Variants in TUBA4A observed in about 807,000 individuals in gnomAD.
The protein encoded by TUBA4A is tubulin alpha-4A chain.
A neutral mutation model predicts 34.3 loss-of-function variants in TUBA4A; 23 were observed. The observed-to-expected ratio is 0.67, with a 90% confidence interval of 0.48 to 0.95. The LOEUF (loss-of-function observed/expected upper bound fraction) is 0.95. TUBA4A is among the 40% of genes least tolerant of loss of function. The pLI is 0.00. For synonymous variants in TUBA4A, 216 were observed against 230.5 expected (o/e 0.94, Z 0.57); for missense variants, 279 against 599.0 (o/e 0.47, Z 5.58).
At chr2:219,253,362 G>GGT (rs747098003) in intron 1 of TUBA4A, 17 of 1,534,326 alleles carry the variant, frequency 1.1e-5, no homozygotes, top group Non-Finnish European at 1.4e-5. Context: ...CACGGGGGGG[G>GGT]GGTGGTTCTG....
rs369027314 is a variant in TUBA4A, at chr2:219,250,711, C to T, written c.988G>A (p.Ala330Thr). The T allele has an allele frequency of 6.8e-6, 11 of 1,614,104 alleles. No homozygotes were observed. Among genetic ancestry groups the T allele is most frequent in the African/African-American group, 2.7e-5 (2 of 74,934 alleles). Residue 330 changes from alanine to threonine, a missense_variant, in exon 4 of 4, where the codon GCT (alanine) becomes ACT (threonine). Physicochemically the swap from Ala to Thr is moderately conservative, Grantham distance 58 (BLOSUM62 0). Coordinates refer to ENST00000248437, the MANE Select transcript of TUBA4A (RefSeq NM_006000.3). This position sits in a 1 kb window ranked among gnomAD's most constrained non-coding sequence, Gnocchi z 8.4. Reference protein sequence around the residue: ...RGDVVPKDVNAAIAAIKTKRS... With the variant: ...RGDVVPKDVNTAIAAIKTKRS... ...TTGGTCTTGATGGCGGCAATGGCAG[C>T]GTTGACATCCTTGGGCACCACATCT... is the stretch of plus-strand genomic sequence containing the variant.
Position 219,250,238 on chromosome 2 carries a change from G to C in TUBA4A, c.*114C>G. 7.0e-7 allele frequency: 1 copy of C among 1,425,976 alleles called. No homozygotes were observed. Among genetic ancestry groups the C allele is most frequent in the Non-Finnish European group, 9.5e-7 (1 of 1,047,992 alleles). The allele number at this position is 1,425,976 out of a possible 1,614,324, so 88.3% of individuals were successfully genotyped here. Reference sequence around the variant, plus strand: ...GCAAACAGAGCAGCAGCAGCATGAAGGGGAAGGCAGCAGAAGCTCAAGCAC... The same window carrying C: ...GCAAACAGAGCAGCAGCAGCATGAACGGGAAGGCAGCAGAAGCTCAAGCAC... On this transcript the variant is annotated 3_prime_UTR_variant, in exon 4 of 4. Transcript: ENST00000248437. This position sits in a 1 kb window ranked among gnomAD's most constrained non-coding sequence, Gnocchi z 8.4.
In TUBA4A at chr2:219,251,512, C is replaced by A; in HGVS notation, c.375+53G>T. The A allele has an allele frequency of 1.3e-6, 2 of 1,582,374 alleles. No homozygotes were observed. Among genetic ancestry groups the A allele is most frequent in the Non-Finnish European group, 8.6e-7 (1 of 1,160,744 alleles). ...TGAAAGGATCTGAAAAAAAATATTC[C>A]TGACCATTAGCACAGTCTCAAAAGT... is the stretch of plus-strand genomic sequence containing the variant. On this transcript the variant is annotated intron_variant, in intron 3 of 3. Transcript: ENST00000248437. This position sits in a 1 kb window ranked among gnomAD's most constrained non-coding sequence, Gnocchi z 6.1.
chr2:219,253,971 G>T, upstream of TUBA4A: 1 of 1,141,470 alleles, frequency 8.8e-7, no homozygotes, highest in Non-Finnish European at 1.2e-6. Flanking sequence ...CGGGGCCCGC[G>T]TTCCCCGCTC....
At chr2:219,254,603 GT>G (rs1951701478), upstream of TUBA4A, 1 of 152,196 alleles carries the variant, frequency 6.6e-6, no homozygotes, top group Middle Eastern at 3.2e-3. Flanking sequence ...CAGTGGCGCT[GT>G]CATCAGCGCA....
chr2:219,253,472 G>C, intron 1 of TUBA4A: 1 of 1,360,356 alleles, frequency 7.4e-7, no homozygotes, highest in South Asian at 1.2e-5. Context: ...GGTCAGTGCT[G>C]AGGACCAGGG....
In TUBA4A at chr2:219,251,482, C is replaced by A; in HGVS notation, c.375+83G>T. ...CGAGACCATGTATAGTTAGAGATGA[C>A]CTCCTGAAAGGATCTGAAAAAAAAT... is the stretch of plus-strand genomic sequence containing the variant. On this transcript the variant is annotated intron_variant, in intron 3 of 3. Transcript: ENST00000248437. This position sits in a 1 kb window ranked among gnomAD's most constrained non-coding sequence, Gnocchi z 6.1. 6.4e-7 allele frequency: 1 copy of A among 1,557,662 alleles called. No individual in the cohort carries two copies. Among genetic ancestry groups the A allele is most frequent in the Non-Finnish European group, 8.7e-7 (1 of 1,147,294 alleles).
In TUBA4A at chr2:219,250,265, C is replaced by G; in HGVS notation, c.*87G>C. The G allele has an allele frequency of 2.0e-6, 3 of 1,529,432 alleles. No homozygotes were observed. Among genetic ancestry groups the G allele is most frequent in the South Asian group, 2.6e-5 (2 of 77,742 alleles). The allele number at this position is 1,529,432 out of a possible 1,614,324, so 94.7% of individuals were successfully genotyped here. A position where few individuals can be genotyped will look rare whatever the true frequency, so the allele number is the denominator to read the frequency against. On this transcript the variant is annotated 3_prime_UTR_variant, in exon 4 of 4. Coordinates refer to ENST00000248437, the MANE Select transcript of TUBA4A (RefSeq NM_006000.3). This position sits in a 1 kb window ranked among gnomAD's most constrained non-coding sequence, Gnocchi z 8.4. ...GGAAGGCAGCAGAAGCTCAAGCACT[C>G]AGAGGGAACAAGAAACCGTGCAAGG... is the stretch of plus-strand genomic sequence containing the variant.
Position 219,250,064 on chromosome 2 carries a change from T to C in TUBA4A, c.*288A>G, listed in dbSNP as rs1951619367. 2.6e-6 allele frequency: 1 copy of C among 387,002 alleles called. No homozygotes were observed. Among genetic ancestry groups the C allele is most frequent in the Non-Finnish European group, 4.7e-6 (1 of 212,782 alleles). 24.0% of individuals were successfully genotyped at this position (387,002 alleles called of 1,614,324 possible). On this transcript the variant is annotated 3_prime_UTR_variant, in exon 4 of 4. Transcript: ENST00000248437. This position sits in a 1 kb window ranked among gnomAD's most constrained non-coding sequence, Gnocchi z 8.4. Reference sequence around the variant, plus strand: ...GCTGAAGACTCATCCTTCAACAGTTTGTGCCTGGATTTTGGTCCTCATTTC... The same window carrying C: ...GCTGAAGACTCATCCTTCAACAGTTCGTGCCTGGATTTTGGTCCTCATTTC...
rs1258601661 is a variant in TUBA4A, at chr2:219,250,963, C to T, written c.736G>A (p.Gly246Arg). 6.2e-7 allele frequency: 1 copy of T among 1,614,012 alleles called. No individual in the cohort carries two copies. The highest frequency in any genetic ancestry group is 8.5e-7 in the Non-Finnish European group (1 of 1,180,032). Residue 246 changes from glycine (G) to arginine (R), a missense_variant, in exon 4 of 4, where the codon GGG becomes AGG. By Grantham distance (125) the Gly-to-Arg change is moderately radical. Around this residue, in one of 3 missense-constraint regions of TUBA4A, gnomAD observed 108 missense variants for 299.9 expected, o/e 0.36. Coordinates refer to ENST00000248437, the MANE Select transcript of TUBA4A (RefSeq NM_006000.3). The surrounding 1 kb of genome is among the most constrained non-coding windows in gnomAD (Gnocchi z 8.4). Reference sequence around the variant, plus strand: ...TCTGTCAGGTCCACATTGAGGGCCCCGTCAAAGCGCAGAGAAGCTGTGATG... The same window carrying T: ...TCTGTCAGGTCCACATTGAGGGCCCTGTCAAAGCGCAGAGAAGCTGTGATG... ...SSITASLRFD[G>R]ALNVDLTEFQ... is the part of the protein sequence containing the mutation.
At position 219,252,239 on chromosome 2, in the gene TUBA4A, TAGAG is replaced by T; in HGVS notation, c.4-13_4-10del. 1 of 1,609,626 alleles carries T rather than the reference TAGAG, an allele frequency of 6.2e-7. No homozygotes were observed. The highest frequency in any genetic ancestry group is 8.5e-7 in the Non-Finnish European group (1 of 1,176,280). The stretch of plus-strand genomic sequence containing the variant: ...ACTGAGATGCATTCACGCTGAGGGA[TAGAG>T]AGAGGGGACACAGCATGAGCCCCAC... On this transcript the variant is annotated splice_polypyrimidine_tract_variant and intron_variant, in intron 1 of 3. Transcript: ENST00000248437. The surrounding 1 kb of genome is among the most constrained non-coding windows in gnomAD (Gnocchi z 4.1).
Position 219,252,015 on chromosome 2 carries a change from C to A in TUBA4A, c.219G>T (p.Thr73=). The A allele has an allele frequency of 6.2e-7, 1 of 1,614,130 alleles. No individual in the cohort carries two copies. Among genetic ancestry groups the A allele is most frequent in the Non-Finnish European group, 8.5e-7 (1 of 1,179,976 alleles). The change falls in exon 2 of 4, where the codon ACG becomes ACT. Residue 73 remains threonine (T), a synonymous_variant. Coordinates refer to ENST00000248437, the MANE Select transcript of TUBA4A (RefSeq NM_006000.3). This position sits in a 1 kb window ranked among gnomAD's most constrained non-coding sequence, Gnocchi z 4.1. ...PRAVFVDLEP[T]VIDEIRNGPY... is the part of the protein sequence containing the mutation. ...GTCCCCACTTCCTCTCACCAATGAC[C>A]GTAGGCTCCAGATCCACAAAAACTG...
chr2:219,250,893 A>G lies in TUBA4A; in HGVS notation c.806T>C (p.Leu269Pro). ...LVPYPRIHFP[L>P]ATYAPVISAE... ...AGAGATGACTGGTGCATAGGTGGCC[A>G]GGGGGAAGTGGATGCGAGGGTAGGG... The change falls in exon 4 of 4, where the codon CTG (leucine) becomes CCG (proline). Residue 269 changes from leucine (L) to proline (P), a missense_variant. By Grantham distance (98) the Leu-to-Pro change is moderately conservative. This residue lies in a region of TUBA4A where 108 missense variants were observed against 299.9 expected (regional missense o/e 0.36). Coordinates refer to ENST00000248437, the MANE Select transcript of TUBA4A (RefSeq NM_006000.3). The surrounding 1 kb of genome is among the most constrained non-coding windows in gnomAD (Gnocchi z 8.4). 6.2e-7 allele frequency: 1 copy of G among 1,614,092 alleles called. No homozygotes were observed. The highest frequency in any genetic ancestry group is 1.7e-5 in the Admixed American group (1 of 60,018).
rs985144317 is a variant in TUBA4A at position 219,250,372 on chromosome 2, C to T, written c.1327G>A (p.Glu443Lys). Residue 443 changes from glutamate (E) to lysine (K), a missense_variant, in exon 4 of 4, where the codon GAG (glutamate) becomes AAG (lysine). By Grantham distance (56) the Glu-to-Lys change is moderately conservative (BLOSUM62 1). Around this residue, in one of 3 missense-constraint regions of TUBA4A, gnomAD observed 73 missense variants for 128.0 expected, o/e 0.57. Coordinates refer to ENST00000248437, the MANE Select transcript of TUBA4A (RefSeq NM_006000.3). The surrounding 1 kb of genome is among the most constrained non-coding windows in gnomAD (Gnocchi z 8.4). Reference protein sequence around the residue: ...EEVGIDSYEDEDEGEE With the variant: ...EEVGIDSYEDKDEGEE ...CTGCTTTATTCTTCTCCCTCATCCT[C>T]GTCCTCATAGGAGTCGATGCCCACC... The T allele has an allele frequency of 1.2e-6, 2 of 1,612,856 alleles. No individual in the cohort carries two copies. The highest frequency in any genetic ancestry group is 3.3e-5 in the Admixed American group (2 of 59,970).
Position 219,253,362 on chromosome 2 carries a change from G to GGC in TUBA4A, c.3+493_3+494insGC, listed in dbSNP as rs747098003. On this transcript the variant is annotated intron_variant, in intron 1 of 3. Coordinates refer to ENST00000248437, the MANE Select transcript of TUBA4A (RefSeq NM_006000.3). ...CGCGGGGTGCTGAGTCACGGGGGGG[G>GGC]GGTGGTTCTGTGGATAGTTGGAATG... 5.2e-6 allele frequency: 8 copies of GGC among 1,534,444 alleles called. No individual in the cohort carries two copies. The South Asian group carries it at 6.0e-5, about 11-fold the overall frequency.
upstream of TUBA4A, chr2:219,253,952 G>GC (rs987120126): frequency 8.6e-6 from 10 of 1,158,440 alleles, no homozygotes; most frequent in African/African-American, 2.2e-4. Context: ...CTTATAGGCG[G>GC]GGGGGGGGCG....
At position 219,250,283 on chromosome 2, in the gene TUBA4A, G is replaced by A. The variant is rs1951623854; in HGVS notation, c.*69C>T. 21 of 1,542,272 alleles carry A rather than the reference G, an allele frequency of 1.4e-5. 1 individual carries two copies. The highest frequency in any genetic ancestry group is 1.1e-4 in the South Asian group (9 of 78,998). On this transcript the variant is annotated 3_prime_UTR_variant, in exon 4 of 4. Coordinates refer to ENST00000248437, the MANE Select transcript of TUBA4A (RefSeq NM_006000.3). This position sits in a 1 kb window ranked among gnomAD's most constrained non-coding sequence, Gnocchi z 8.4. The stretch of plus-strand genomic sequence containing the variant: ...AAGCACTCAGAGGGAACAAGAAACC[G>A]TGCAAGGAAACTGTTTATTTCGAAA...
In TUBA4A at chr2:219,250,146, C is replaced by G; in HGVS notation, c.*206G>C. 1 of 749,186 alleles carries G rather than the reference C, an allele frequency of 1.3e-6. No individual in the cohort carries two copies. The highest frequency in any genetic ancestry group is 1.8e-5 in the South Asian group (1 of 56,336). 46.4% of individuals were successfully genotyped at this position (749,186 alleles called of 1,614,324 possible). On this transcript the variant is annotated 3_prime_UTR_variant, in exon 4 of 4. Transcript: ENST00000248437. This position sits in a 1 kb window ranked among gnomAD's most constrained non-coding sequence, Gnocchi z 8.4. Reference sequence around the variant, plus strand: ...TTTAAAGTCCCTGGGGTTATGCTTCCTGGGCCTGGCAAGAACCCCTTTGCA... The same window carrying G: ...TTTAAAGTCCCTGGGGTTATGCTTCGTGGGCCTGGCAAGAACCCCTTTGCA...
chr2:219,253,828 G>A, intron 1 of TUBA4A, 28 bp downstream of exon 1: 26 of 1,523,924 alleles, frequency 1.7e-5, no homozygotes, highest in Admixed American at 2.3e-5. Context: ...TTAGGGGACA[G>A]GCGCGACCCC....
Sources: allele counts gnomAD v4.1 joint callset, GRCh38; gene constraint gnomAD v4.1.1; regional missense constraint gnomAD v4.1.1; non-coding constraint Gnocchi (gnomAD v3.1); transcripts MANE v1.5; gene names NCBI Gene and HGNC (gene_info 2026-07-23, HGNC 2026-07-21).